ANGPT1: variants seen among roughly 807,000 people sequenced by gnomAD.
ANGPT1 encodes angiopoietin-1.
Under a neutral mutation model 62.2 loss-of-function variants are expected in ANGPT1, and 17 were observed. That is an observed-to-expected ratio of 0.27 (90% confidence interval 0.19 to 0.41). The LOEUF is 0.41. ANGPT1 is among the 10% of genes least tolerant of loss of function. ANGPT1 has a pLI of 1.00. For synonymous variants in ANGPT1, 199 were observed against 198.9 expected (o/e 1.00, Z 0.00); for missense variants, 478 against 594.9 (o/e 0.80, Z 2.04).
Position 107,346,866 on chromosome 8 carries a change from CTG to C in ANGPT1, c.453+74_453+75del. 3 of 1,335,032 alleles carry C rather than the reference CTG, an allele frequency of 2.2e-6. No individual in the cohort carries two copies. In the South Asian group the frequency reaches 5.0e-5, roughly 22 times the overall value. 82.7% of individuals were successfully genotyped at this position (1,335,032 alleles called of 1,614,324 possible). On this transcript the variant is annotated intron_variant, in intron 2 of 8. Coordinates refer to ENST00000517746, the MANE Select transcript of ANGPT1 (RefSeq NM_001146.5). ...CCTAATCACAGTGCTGAAATGTGCT[CTG>C]TGTTTATGGAGAAAGCTAAAGAAAA...
At chr8:107,452,467 C>T (rs1335235366) in intron 1 of ANGPT1, among the ~76,000 whole-genome samples, 1 of 151,532 alleles carries the variant, frequency 6.6e-6, no homozygotes, top group Non-Finnish European at 1.5e-5. Context: ...AATCTCCCTC[C>T]CCACTTTTAT....
intron 3 of ANGPT1, among the ~76,000 whole-genome samples, chr8:107,331,002 A>G (rs1410751328): frequency 1.3e-5 from 2 of 152,192 alleles, no homozygotes; most frequent in South Asian, 2.1e-4. Context: ...ATAAATTCAA[A>G]AAGTCACCTT....
intron 1 of ANGPT1, among the ~76,000 whole-genome samples, chr8:107,373,458 T>A (rs148552260): frequency 6.6e-6 from 1 of 152,318 alleles, no homozygotes; most frequent in South Asian, 2.1e-4. Context: ...GGAAACTGGA[T>A]AGCAAATGCA....
intron 1 of ANGPT1, among the ~76,000 whole-genome samples, chr8:107,370,407 A>AGGAAGGAAGGAAG: frequency 1.4e-5 from 1 of 71,972 alleles, no homozygotes; most frequent in Middle Eastern, 8.8e-3. Flanking sequence ...AAAGAAAGAA[A>AGGAAGGAAGGAAG]GAGTCAGGGT....
At chr8:107,473,769 T>C (rs1455889679) in intron 1 of ANGPT1, among the ~76,000 whole-genome samples, 1 of 151,988 alleles carries the variant, frequency 6.6e-6, no homozygotes. Context: ...TGGACACAAG[T>C]CACAATGTAA....
chr8:107,303,215 T>C (rs2129979793), intron 5 of ANGPT1, 25 bp downstream of exon 5: 1 of 1,606,656 alleles, frequency 6.2e-7, no homozygotes, highest in Non-Finnish European at 8.5e-7. Flanking sequence ...GCTTACATCT[T>C]GTAAACAAAC....
chr8:107,342,026 G>T (rs546760715), intron 2 of ANGPT1, among the ~76,000 whole-genome samples: 1 of 152,216 alleles, frequency 6.6e-6, no homozygotes, highest in South Asian at 2.1e-4. Flanking sequence ...GAGTAAGGAA[G>T]GAGTCCAAAT....
At chr8:107,388,228 C>T (rs546471473) in intron 1 of ANGPT1, among the ~76,000 whole-genome samples, 62 of 152,098 alleles carry the variant, frequency 4.1e-4, no homozygotes, top group African/African-American at 1.5e-3. Context: ...GACCGGGCAA[C>T]ATAGCAAGAC....
chr8:107,418,686 T>C (rs2130373300), intron 1 of ANGPT1, among the ~76,000 whole-genome samples: 1 of 152,264 alleles, frequency 6.6e-6, no homozygotes, highest in Non-Finnish European at 1.5e-5. Flanking sequence ...TATTTGTAAA[T>C]GACAAAGGAG....
chr8:107,487,414 AT>A (rs1812842612), intron 1 of ANGPT1, among the ~76,000 whole-genome samples: 2 of 152,240 alleles, frequency 1.3e-5, no homozygotes, highest in Admixed American at 6.5e-5. Flanking sequence ...AAAGCAAACC[AT>A]TTGGAAGCCA....
chr8:107,294,134 C>T (rs922570572), intron 5 of ANGPT1, 97 bp from the exon 6 acceptor site: 1 of 911,270 alleles, frequency 1.1e-6, no homozygotes, highest in Non-Finnish European at 1.6e-6. Flanking sequence ...AACAGGTCTG[C>T]AGATTACAAA....
chr8:107,292,412 C>T (rs1814300756), intron 6 of ANGPT1, among the ~76,000 whole-genome samples: 1 of 152,158 alleles, frequency 6.6e-6, no homozygotes, highest in African/African-American at 2.4e-5. Context: ...ACACTGAGTA[C>T]ATTAATCTTT....
chr8:107,317,841 A>G (rs1204288001), intron 4 of ANGPT1, among the ~76,000 whole-genome samples: 2 of 151,900 alleles, frequency 1.3e-5, no homozygotes, highest in Admixed American at 1.3e-4. Context: ...ATATTGGCCA[A>G]GCTGGTCTTG....
intron 5 of ANGPT1, 82 bp from the exon 6 acceptor site, chr8:107,294,119 A>C: frequency 8.9e-7 from 1 of 1,118,750 alleles, no homozygotes; most frequent in East Asian, 2.4e-5. Flanking sequence ...AATAGGAATA[A>C]GGCGAACAGG....
chr8:107,353,377 A>C (rs903159288), intron 1 of ANGPT1, among the ~76,000 whole-genome samples: 11 of 152,170 alleles, frequency 7.2e-5, no homozygotes, highest in African/African-American at 2.7e-4. Flanking sequence ...CACTAGGCTG[A>C]GCCAACAACA....
At chr8:107,335,155 C>T (rs895634363) in intron 3 of ANGPT1, among the ~76,000 whole-genome samples, 2 of 152,172 alleles carry the variant, frequency 1.3e-5, no homozygotes, top group Non-Finnish European at 2.9e-5. Flanking sequence ...CCAATTTCGG[C>T]CACTAGCAAG....
At chr8:107,454,375 T>TA (rs1459948142) in intron 1 of ANGPT1, among the ~76,000 whole-genome samples, 3 of 152,118 alleles carry the variant, frequency 2.0e-5, no homozygotes, top group African/African-American at 4.8e-5. Flanking sequence ...CTGTCTATTC[T>TA]ATTTATTTGT....
intron 1 of ANGPT1, among the ~76,000 whole-genome samples, chr8:107,452,652 T>C (rs1234339092): frequency 6.6e-6 from 1 of 152,000 alleles, no homozygotes; most frequent in Non-Finnish European, 1.5e-5. Flanking sequence ...AATGGCTTCA[T>C]ATACATATTT....
chr8:107,382,255 C>A (rs1182337762), intron 1 of ANGPT1, among the ~76,000 whole-genome samples: 1 of 152,102 alleles, frequency 6.6e-6, no homozygotes, highest in Non-Finnish European at 1.5e-5. Context: ...TTTGACACAG[C>A]ATTTATAAAA....
Sources: gnomAD v4.1 joint callset for allele counts (sites outside exome capture counted in the v4.1 genomes callset) on GRCh38, gnomAD v4.1.1 for gene constraint, MANE v1.5 for transcripts, NCBI Gene and HGNC (gene_info 2026-07-23, HGNC 2026-07-21) for gene names.